CHL1: variants seen among roughly 807,000 people sequenced by gnomAD.
CHL1 encodes the protein neural cell adhesion molecule L1-like protein.
A neutral mutation model predicts 141.9 loss-of-function variants in CHL1; 96 were observed. The ratio of observed to expected loss-of-function variants is 0.68; its 90% CI spans 0.57 to 0.80. The LOEUF (loss-of-function observed/expected upper bound fraction) is 0.80, where lower values mean the gene tolerates loss of function less well. Ranked by LOEUF, CHL1 falls within the 30% of genes least tolerant of loss-of-function variation. The pLI is 0.00. For synonymous variants in CHL1, 613 were observed against 502.2 expected (o/e 1.22, Z -2.95); for missense variants, 1,820 against 1,457.2 (o/e 1.25, Z -4.05).
At chr3:308,145 T>C (rs1349804604) in intron 2 of CHL1, among the ~76,000 whole-genome samples, 1 of 152,220 alleles carries the variant, frequency 6.6e-6, no homozygotes, top group Non-Finnish European at 1.5e-5. Context: ...GTTTAATTTC[T>C]GAGTTGTCTT....
At chr3:221,541 G>C (rs974184539) in intron 1 of CHL1, among the ~76,000 whole-genome samples, 1 of 152,112 alleles carries the variant, frequency 6.6e-6, no homozygotes, top group Non-Finnish European at 1.5e-5. Context: ...TTAATATCAT[G>C]GTCCTTGTGA....
At chr3:369,969 G>C (rs781762727) in intron 15 of CHL1, among the ~76,000 whole-genome samples, 2 of 152,168 alleles carry the variant, frequency 1.3e-5, no homozygotes, top group Admixed American at 6.5e-5. Context: ...TGGTGGATAA[G>C]TTTTTTGATG....
intron 2 of CHL1, among the ~76,000 whole-genome samples, chr3:293,522 C>A (rs979626526): frequency 4.6e-5 from 7 of 151,882 alleles, no homozygotes; most frequent in African/African-American, 1.2e-4. Flanking sequence ...TTTAAAAAAA[C>A]CCTAATTGAA....
At chr3:308,860 C>G (rs1169202046) in intron 2 of CHL1, 2 of 164,336 alleles carry the variant, frequency 1.2e-5, no homozygotes, top group Non-Finnish European at 2.9e-5. Flanking sequence ...CTCCAGAAGA[C>G]TGCTGTTTGC....
chr3:250,055 C>T (rs1198578430), intron 2 of CHL1, among the ~76,000 whole-genome samples: 1 of 151,884 alleles, frequency 6.6e-6, no homozygotes, highest in Non-Finnish European at 1.5e-5. Context: ...CAGCTTTGAT[C>T]TCCCAGGCTC....
chr3:248,860 A>C (rs574564908), intron 2 of CHL1, among the ~76,000 whole-genome samples: 2 of 152,302 alleles, frequency 1.3e-5, no homozygotes, highest in East Asian at 3.9e-4. Flanking sequence ...GACACTTTTA[A>C]TCTTATATTG....
chr3:254,377 A>T (rs550475795), intron 2 of CHL1, among the ~76,000 whole-genome samples: 1 of 152,194 alleles, frequency 6.6e-6, no homozygotes, highest in Non-Finnish European at 1.5e-5. Flanking sequence ...AGCTAGTGAC[A>T]TGGCCTCTCT....
intron 2 of CHL1, among the ~76,000 whole-genome samples, chr3:288,746 A>C (rs1189066956): frequency 5.3e-5 from 8 of 152,258 alleles, no homozygotes; most frequent in Non-Finnish European, 2.9e-5. Flanking sequence ...GTCCACAGGG[A>C]ATTGTCTGTG....
intron 19 of CHL1, among the ~76,000 whole-genome samples, chr3:386,555 G>T (rs1343738013): frequency 6.6e-6 from 1 of 152,108 alleles, no homozygotes; most frequent in Non-Finnish European, 1.5e-5. Flanking sequence ...TTGCTTGAGA[G>T]TTTCCATTGT....
chr3:351,838 G>C (rs1703292530), intron 10 of CHL1, among the ~76,000 whole-genome samples: 1 of 152,064 alleles, frequency 6.6e-6, no homozygotes, highest in African/African-American at 2.4e-5. Flanking sequence ...ATGAGCAAAA[G>C]CAGCCAGGAT....
At chr3:326,543 C>G (rs1388783749) in intron 4 of CHL1, among the ~76,000 whole-genome samples, 1 of 151,214 alleles carries the variant, frequency 6.6e-6, no homozygotes, top group Non-Finnish European at 1.5e-5. Context: ...TCTCAGGTGG[C>G]AGAGTACTAT....
At chr3:376,360 C>T (rs1244758694) in intron 15 of CHL1, 1 of 511,502 alleles carries the variant, frequency 2.0e-6, no homozygotes, top group South Asian at 1.4e-5. Context: ...GGCCCTTGCC[C>T]CATCTCCAAA....
chr3:242,899 G>C (rs34690392), intron 1 of CHL1, among the ~76,000 whole-genome samples: 1 of 151,840 alleles, frequency 6.6e-6, no homozygotes, highest in East Asian at 1.9e-4. Context: ...AGTGAGAGTG[G>C]GGTGGGTAAT....
intron 3 of CHL1, among the ~76,000 whole-genome samples, chr3:320,709 A>T (rs1365290245): frequency 6.6e-6 from 1 of 152,052 alleles, no homozygotes. Context: ...TTAAAAAAAT[A>T]AAAACTAAAA....
At chr3:200,496 T>C (rs1207691134) in intron 1 of CHL1, among the ~76,000 whole-genome samples, 2 of 152,232 alleles carry the variant, frequency 1.3e-5, no homozygotes, top group Non-Finnish European at 2.9e-5. Context: ...ATATTTTCAA[T>C]TATGAACATT....
At chr3:385,620 G>C (rs1707599009) in intron 19 of CHL1, 1 of 152,244 alleles carries the variant, frequency 6.6e-6, no homozygotes, top group Non-Finnish European at 1.5e-5. Context: ...ACAAGATCAG[G>C]AGTTTGAGAC....
intron 1 of CHL1, among the ~76,000 whole-genome samples, chr3:241,054 G>A (rs2125089946): frequency 6.6e-6 from 1 of 152,228 alleles, no homozygotes; most frequent in Non-Finnish European, 1.5e-5. Flanking sequence ...AGTGACATTG[G>A]TACAACTAAT....
intron 2 of CHL1, among the ~76,000 whole-genome samples, chr3:308,107 A>G (rs1042581820): frequency 9.9e-5 from 15 of 152,196 alleles, no homozygotes; most frequent in African/African-American, 3.6e-4. Context: ...ATTCAGATCC[A>G]TATTTACTTT....
At chr3:239,226 G>C (rs1692304385) in intron 1 of CHL1, among the ~76,000 whole-genome samples, 1 of 152,166 alleles carries the variant, frequency 6.6e-6, no homozygotes, top group Admixed American at 6.5e-5. Context: ...GCACCGGCTA[G>C]ATCTCAGCCT....
Sources: gnomAD v4.1 joint callset for allele counts (sites outside exome capture counted in the v4.1 genomes callset) on GRCh38, gnomAD v4.1.1 for gene constraint, MANE v1.5 for transcripts, NCBI Gene and HGNC (gene_info 2026-07-23, HGNC 2026-07-21) for gene names.